The following PRDM16 variants were observed in gnomAD, a reference collection of about 807,000 sequenced individuals.
The protein encoded by PRDM16 is histone-lysine N-methyltransferase PRDM16.
In PRDM16, 23 loss-of-function variants were observed where a neutral mutation model predicts 110.6. The observed-to-expected ratio is 0.21, with a 90% CI of 0.15 to 0.29. The LOEUF is 0.29. Among genes scored for constraint, PRDM16 ranks in the 10% least tolerant of loss-of-function variants. The probability of loss-of-function intolerance (pLI) is 1.00; values close to 1 mark genes in which losing one functional copy is unlikely to be tolerated. For missense variants in PRDM16, 1,615 were observed against 1,794.3 expected (o/e 0.90, Z 1.81); for synonymous variants, 799 against 781.8 (o/e 1.02, Z -0.37).
At chr1:3,298,528 C>T (rs1466550401) in intron 3 of PRDM16, among the ~76,000 whole-genome samples, 2 of 152,242 alleles carry the variant, frequency 1.3e-5, no homozygotes, top group Non-Finnish European at 2.9e-5. Flanking sequence ...GAGAGGGCAG[C>T]CCCGGATGAT....
At chr1:3,328,971 C>T (rs967102835) in intron 3 of PRDM16, among the ~76,000 whole-genome samples, 1 of 152,134 alleles carries the variant, frequency 6.6e-6, no homozygotes, top group Non-Finnish European at 1.5e-5. Flanking sequence ...TAGGGAACTC[C>T]CCAGCCCCTC....
chr1:3,413,365 G>A (rs946627322), intron 9 of PRDM16, among the ~76,000 whole-genome samples: 3 of 152,242 alleles, frequency 2.0e-5, no homozygotes, highest in African/African-American at 7.2e-5. Flanking sequence ...GGGAGGAGGA[G>A]GCGAGGGATG....
At chr1:3,336,346 G>GTGTGTACATGCACA (rs1304150636) in intron 3 of PRDM16, among the ~76,000 whole-genome samples, 4 of 89,818 alleles carry the variant, frequency 4.5e-5, no homozygotes, top group South Asian at 4.8e-4. Context: ...ACATGCACAT[G>GTGTGTACATGCACA]TGTGTGTGCA....
intron 3 of PRDM16, among the ~76,000 whole-genome samples, chr1:3,311,624 G>A (rs1182761088): frequency 1.3e-5 from 2 of 152,222 alleles, no homozygotes; most frequent in African/African-American, 4.8e-5. Flanking sequence ...CCGAGGCACA[G>A]AGAGGCTCAG....
At position 3,435,246 on chromosome 1, in the gene PRDM16, C is replaced by A; in HGVS notation, c.*1435C>A. On this transcript the variant is annotated 3_prime_UTR_variant, in exon 17 of 17. Transcript: ENST00000270722. The stretch of plus-strand genomic sequence containing the variant: ...ATATAACTTGTAATTTTTTCTAATT[C>A]ATTTCTTTTCTTATTTTATTTCCTC... The A allele has an allele frequency of 4.5e-6, 1 of 221,464 alleles. No individual in the cohort carries two copies. Among genetic ancestry groups the A allele is most frequent in the Non-Finnish European group, 9.0e-6 (1 of 110,730 alleles). The allele number at this position is 221,464 out of a possible 1,614,324, so 13.7% of individuals were successfully genotyped here. A position where few individuals can be genotyped will look rare whatever the true frequency, so the allele number is the denominator to read the frequency against.
intron 3 of PRDM16, among the ~76,000 whole-genome samples, chr1:3,261,258 C>T (rs1640159404): frequency 6.6e-6 from 1 of 152,090 alleles, no homozygotes; most frequent in Admixed American, 6.5e-5. Flanking sequence ...GGACTTCCTG[C>T]GAGATAGCAA....
rs747629549 is a variant in PRDM16 at position 3,074,321 on chromosome 1, CA to C, written c.37+5026del. On this transcript the variant is annotated intron_variant, in intron 1 of 16. Transcript: ENST00000270722. Reference sequence around the variant, plus strand: ...AGCAGATTGAGGCTCCAGTGAAATTCAGTGGAATGAAGACCTCCAGGGCTTC... The same window carrying C: ...AGCAGATTGAGGCTCCAGTGAAATTCGTGGAATGAAGACCTCCAGGGCTTC... 1.4e-4 allele frequency among the ~76,000 whole-genome samples: 22 copies of C among 152,286 alleles called. No individual in the cohort carries two copies. In the East Asian group the frequency reaches 1.9e-3, roughly 13 times the overall value.
chr1:3,267,691 G>A (rs550518960), intron 3 of PRDM16, among the ~76,000 whole-genome samples: 2 of 152,310 alleles, frequency 1.3e-5, no homozygotes, highest in African/African-American at 4.8e-5. Flanking sequence ...GGCCCCTCCC[G>A]CACCAGGGTG....
chr1:3,238,924 T>C (rs1639600682), intron 2 of PRDM16, among the ~76,000 whole-genome samples: 1 of 152,236 alleles, frequency 6.6e-6, no homozygotes, highest in Non-Finnish European at 1.5e-5. Context: ...GTTTCCCGTC[T>C]ACACAGCAGG....
rs1557495707 is a variant in PRDM16, at chr1:3,165,456, GT to G, written c.38-20668del. The stretch of plus-strand genomic sequence containing the variant: ...AGTGACTCACCTGGGCTCAGGGACA[GT>G]GACTCACCTGGGCTCAGGGACAGTG... On this transcript the variant is annotated intron_variant, in intron 1 of 16. Coordinates refer to ENST00000270722, the MANE Select transcript of PRDM16 (RefSeq NM_022114.4). Among the ~76,000 whole-genome samples, 208 of 101,514 alleles carry G rather than the reference GT, an allele frequency of 2.0e-3. 48 individuals carry two copies. The highest frequency in any genetic ancestry group is 7.5e-3 in the East Asian group (25 of 3,330). 66.6% of individuals were successfully genotyped at this position (101,514 alleles called of 152,430 possible). A position where few individuals can be genotyped will look rare whatever the true frequency, so the allele number is the denominator to read the frequency against.
Position 3,425,350 on chromosome 1 carries a change from T to C in PRDM16, c.2940-231T>C, listed in dbSNP as rs1638570893. The C allele has an allele frequency of 2.2e-6, 1 of 461,532 alleles. No individual in the cohort carries two copies. The highest frequency in any genetic ancestry group is 2.7e-5 in the South Asian group (1 of 36,764). The allele number at this position is 461,532 out of a possible 1,614,324, so 28.6% of individuals were successfully genotyped here. ...GCCTTGGCCTCCCAAAGTGCTGTGA[T>C]TATAGGCGTGAACCCCTGCTTCTTG... is the stretch of plus-strand genomic sequence containing the variant. On this transcript the variant is annotated intron_variant, in intron 12 of 16. Coordinates refer to ENST00000270722, the MANE Select transcript of PRDM16 (RefSeq NM_022114.4). The surrounding 1 kb of genome is among the most constrained non-coding windows in gnomAD (Gnocchi z 6.9).
chr1:3,084,445 C>T (rs1316824860), intron 1 of PRDM16, among the ~76,000 whole-genome samples: 1 of 152,208 alleles, frequency 6.6e-6, no homozygotes, highest in Non-Finnish European at 1.5e-5. Context: ...GCACGAGGCC[C>T]TTTGTGGGAT....
intron 1 of PRDM16, among the ~76,000 whole-genome samples, chr1:3,156,838 C>A (rs1039482661): frequency 6.6e-6 from 1 of 152,188 alleles, no homozygotes; most frequent in African/African-American, 2.4e-5. Flanking sequence ...GAGGAAGTGG[C>A]TTCTGTCTGA....
chr1:3,124,941 C>T (rs571390300), intron 1 of PRDM16, among the ~76,000 whole-genome samples: 1 of 152,196 alleles, frequency 6.6e-6, no homozygotes, highest in Non-Finnish European at 1.5e-5. Flanking sequence ...CGAGCAGCTG[C>T]AGTGTGGCCC....
At position 3,244,130 on chromosome 1, in the gene PRDM16, T is replaced by A. The variant is rs757284038; in HGVS notation, c.431T>A (p.Ile144Asn). Reference protein sequence around the residue: ...DVEVSPQEGCITKISEDLGSE... With the variant: ...DVEVSPQEGCNTKISEDLGSE... ...GAAGTGTCGCCCCAGGAAGGCTGCATCACAAAGGTAGGAGAGCTCGCCCTG... is the reference window on the plus strand; with the variant it reads ...GAAGTGTCGCCCCAGGAAGGCTGCAACACAAAGGTAGGAGAGCTCGCCCTG... Residue 144 changes from isoleucine (I) to asparagine (N), a missense_variant, in exon 3 of 17, where the codon ATC becomes AAC. Physicochemically the swap from Ile to Asn is moderately radical, Grantham distance 149. This residue lies in a region of PRDM16 where 416 missense variants were observed against 467.1 expected (regional missense o/e 0.89). Coordinates refer to ENST00000270722, the MANE Select transcript of PRDM16 (RefSeq NM_022114.4). The surrounding 1 kb of genome is among the most constrained non-coding windows in gnomAD (Gnocchi z 4.1). 1.1e-5 allele frequency: 17 copies of A among 1,613,858 alleles called. No individual in the cohort carries two copies. The highest frequency in any genetic ancestry group is 1.4e-5 in the Non-Finnish European group (16 of 1,180,000).
intron 1 of PRDM16, among the ~76,000 whole-genome samples, chr1:3,092,617 G>A (rs1159487899): frequency 5.3e-5 from 8 of 152,204 alleles, no homozygotes; most frequent in Admixed American, 5.2e-4. Context: ...CCTCAGGCTG[G>A]CCAGGCATCC....
chr1:3,136,022 T>G (rs1643430394), intron 1 of PRDM16, among the ~76,000 whole-genome samples: 1 of 152,028 alleles, frequency 6.6e-6, no homozygotes, highest in African/African-American at 2.4e-5. Flanking sequence ...GTGAGGAGAT[T>G]GTTTGGCTCG....
At chr1:3,141,958 G>A (rs1041528221) in intron 1 of PRDM16, among the ~76,000 whole-genome samples, 44 of 152,384 alleles carry the variant, frequency 2.9e-4, no homozygotes, top group African/African-American at 9.6e-4. Flanking sequence ...TGCCTGGAAC[G>A]AGAACACTCA....
rs1643127616 is a variant in PRDM16, at chr1:3,382,957, T to A, written c.439-2195T>A. Among the ~76,000 whole-genome samples, 1 of 152,204 alleles carries A rather than the reference T, an allele frequency of 6.6e-6. No individual in the cohort carries two copies. The highest frequency in any genetic ancestry group is 6.5e-5 in the Admixed American group (1 of 15,290). On this transcript the variant is annotated intron_variant, in intron 3 of 16. Transcript: ENST00000270722. This position sits in a 1 kb window ranked among gnomAD's most constrained non-coding sequence, Gnocchi z 6.6. The stretch of plus-strand genomic sequence containing the variant: ...TCCTGCTACTCCATCGTTTGTATAT[T>A]GAGCATCCCCCCGCCGCCAATGTTT...
Sources: gnomAD v4.1 joint callset for allele counts (sites outside exome capture counted in the v4.1 genomes callset) on GRCh38, gnomAD v4.1.1 for gene constraint, gnomAD v4.1.1 regional missense constraint, Gnocchi (gnomAD v3.1) non-coding constraint, MANE v1.5 for transcripts, NCBI Gene and HGNC (gene_info 2026-07-23, HGNC 2026-07-21) for gene names.